Variants in APP observed in about 807,000 individuals in gnomAD.
APP encodes amyloid-beta precursor protein.
APP carries 31 observed loss-of-function variants against 101.4 expected under a neutral mutation model. That is an observed-to-expected ratio of 0.31 (90% CI 0.23 to 0.41). The LOEUF (loss-of-function observed/expected upper bound fraction) is 0.41. Among genes scored for constraint, APP ranks in the 10% least tolerant of loss-of-function variants. APP has a pLI of 1.00. For missense variants in APP, 839 were observed against 1,003.7 expected (o/e 0.84, Z 2.22); for synonymous variants, 366 against 364.4 (o/e 1.00, Z -0.05).
At chr21:25,978,793 A>G (rs1196057055) in intron 9 of APP, among the ~76,000 whole-genome samples, 1 of 152,146 alleles carries the variant, frequency 6.6e-6, no homozygotes, top group African/African-American at 2.4e-5. Flanking sequence ...CTCTACTAAA[A>G]ATACAAAAAT....
chr21:26,067,897 T>C (rs908418494), intron 3 of APP, among the ~76,000 whole-genome samples: 4 of 151,314 alleles, frequency 2.6e-5, no homozygotes, highest in Non-Finnish European at 5.9e-5. Flanking sequence ...CCTAACACTT[T>C]CCTTTCTTTC....
At position 26,003,880 on chromosome 21, in the gene APP, G is replaced by A. The variant is rs113086698; in HGVS notation, c.866-3698C>T. Among the ~76,000 whole-genome samples, 316 of 152,324 alleles carry A rather than the reference G, an allele frequency of 2.1e-3. 3 individuals are homozygous for A. The highest frequency in any genetic ancestry group is 0.014 in the Middle Eastern group (4 of 294). On this transcript the variant is annotated intron_variant, in intron 6 of 17. Transcript: ENST00000346798. ...CTACAGCAGTGAAGCTGACTTCGGA[G>A]AGGACTGGGAAAGGAATGGAACGTA... is the stretch of plus-strand genomic sequence containing the variant.
chr21:25,906,200 G>A (rs535106999), intron 14 of APP, among the ~76,000 whole-genome samples: 82 of 152,360 alleles, frequency 5.4e-4, no homozygotes, highest in Non-Finnish European at 6.2e-4. Context: ...AAAAGTGGCA[G>A]TAAGCCAAGT....
At chr21:26,162,341 C>T (rs455316) in intron 1 of APP, among the ~76,000 whole-genome samples, 5,083 of 152,296 alleles carry the variant, frequency 0.033, 216 homozygotes, top group East Asian at 0.2. Context: ...AAACCAAACA[C>T]AGTATCAATA....
At chr21:26,036,978 G>C (rs1461857949) in intron 5 of APP, among the ~76,000 whole-genome samples, 1 of 147,936 alleles carries the variant, frequency 6.8e-6, no homozygotes, top group African/African-American at 2.5e-5. Context: ...TGATGTGTGT[G>C]TGTGTGTGTA....
intron 1 of APP, among the ~76,000 whole-genome samples, chr21:26,159,451 T>C (rs539826586): frequency 1.3e-5 from 2 of 152,294 alleles, no homozygotes; most frequent in South Asian, 2.1e-4. Flanking sequence ...ACAAATGCCC[T>C]GAGAAAACTT....
intron 6 of APP, among the ~76,000 whole-genome samples, chr21:26,017,472 A>G (rs2044149283): frequency 6.6e-6 from 1 of 151,780 alleles, no homozygotes; most frequent in East Asian, 1.9e-4. Flanking sequence ...GTGAAAATCT[A>G]TATCTGCAAC....
At chr21:26,153,363 A>G (rs886849164) in intron 1 of APP, among the ~76,000 whole-genome samples, 2 of 152,220 alleles carry the variant, frequency 1.3e-5, no homozygotes, top group Non-Finnish European at 2.9e-5. Context: ...ACTAAGAAAA[A>G]CAACAGAAAA....
At chr21:26,147,790 A>T (rs987285136) in intron 1 of APP, among the ~76,000 whole-genome samples, 1 of 151,120 alleles carries the variant, frequency 6.6e-6, no homozygotes, top group Non-Finnish European at 1.5e-5. Context: ...CCTTACACAC[A>T]CCGGGCTAAT....
chr21:26,108,938 T>C (rs1317868776), intron 2 of APP, among the ~76,000 whole-genome samples: 1 of 152,014 alleles, frequency 6.6e-6, no homozygotes, highest in Non-Finnish European at 1.5e-5. Flanking sequence ...TAAAGTCTAG[T>C]GACTTCCTGT....
intron 6 of APP, among the ~76,000 whole-genome samples, chr21:26,016,131 A>G (rs999679810): frequency 6.6e-6 from 1 of 152,138 alleles, no homozygotes; most frequent in African/African-American, 2.4e-5. Flanking sequence ...CCCAGGTCCA[A>G]GCAATTCCCC....
At chr21:25,971,075 G>A (rs1039684880) in intron 11 of APP, among the ~76,000 whole-genome samples, 1 of 151,418 alleles carries the variant, frequency 6.6e-6, no homozygotes, top group Non-Finnish European at 1.5e-5. Flanking sequence ...TTGAGATGGA[G>A]TCTTGCTCTG....
intron 1 of APP, among the ~76,000 whole-genome samples, chr21:26,113,619 C>A (rs1975080195): frequency 6.6e-6 from 1 of 152,148 alleles, no homozygotes; most frequent in Non-Finnish European, 1.5e-5. Context: ...GCAGCCGATG[C>A]CAAAATATCC....
intron 5 of APP, among the ~76,000 whole-genome samples, chr21:26,032,373 A>C (rs1273940257): frequency 6.6e-6 from 1 of 152,066 alleles, no homozygotes; most frequent in Non-Finnish European, 1.5e-5. Context: ...ACTTACATAT[A>C]CTCCAGTTAA....
chr21:26,050,199 A>G (rs1196547029), intron 5 of APP, among the ~76,000 whole-genome samples: 1 of 152,188 alleles, frequency 6.6e-6, no homozygotes, highest in Non-Finnish European at 1.5e-5. Flanking sequence ...TACAACTCCT[A>G]TTGAATGTGC....
chr21:25,925,657 G>C (rs1173752270), intron 13 of APP, among the ~76,000 whole-genome samples: 7 of 152,216 alleles, frequency 4.6e-5, no homozygotes, highest in Non-Finnish European at 1.0e-4. Flanking sequence ...CATAATGGCT[G>C]GGCGTGGTGG....
rs2038158128 is a variant in APP at position 25,897,591 on chromosome 21, T to C, written c.2046A>G (p.Glu682=). The C allele has an allele frequency of 6.2e-7, 1 of 1,613,456 alleles. No individual in the cohort carries two copies. The highest frequency in any genetic ancestry group is 8.5e-7 in the Non-Finnish European group (1 of 1,179,380). Residue 682 remains glutamate, a synonymous_variant, in exon 16 of 18, where the codon GAA becomes GAG. Coordinates refer to ENST00000346798, the MANE Select transcript of APP (RefSeq NM_000484.4). ...TACGTACCAATTTTTGATGATGAAC[T>C]TCATATCCTGAGTCATGTCGGAATT... ...DAEFRHDSGY[E]VHHQKLVFFA...
At chr21:25,984,655 TC>T (rs1338170707) in intron 8 of APP, among the ~76,000 whole-genome samples, 4 of 152,156 alleles carry the variant, frequency 2.6e-5, no homozygotes, top group Non-Finnish European at 5.9e-5. Context: ...CATTTCAAGT[TC>T]CCAACTTGAA....
At chr21:26,163,239 C>CAAA (rs58816061) in intron 1 of APP, among the ~76,000 whole-genome samples, 3 of 58,828 alleles carry the variant, frequency 5.1e-5, no homozygotes, top group Non-Finnish European at 9.5e-5. Context: ...AACTCAGTCT[C>CAAA]AAAAAAAAAA....
Sources: allele counts gnomAD v4.1 joint callset (sites outside exome capture counted in the v4.1 genomes callset), GRCh38; gene constraint gnomAD v4.1.1; transcripts MANE v1.5; gene names NCBI Gene and HGNC (gene_info 2026-07-23, HGNC 2026-07-21).